PIWIL3: variants seen among roughly 807,000 people sequenced by gnomAD.
PIWIL3 encodes piwi-like protein 3.
In PIWIL3, 101 loss-of-function variants were observed where a neutral mutation model predicts 109.7. That is an observed-to-expected ratio of 0.92 (90% CI 0.78 to 1.09). PIWIL3 has a LOEUF of 1.09. PIWIL3 is among the 50% of genes least tolerant of loss of function. The pLI is 0.00. For synonymous variants in PIWIL3, 373 were observed against 376.4 expected (o/e 0.99, Z 0.10); for missense variants, 1,031 against 1,072.6 (o/e 0.96, Z 0.54).
chr22:24,767,971 A>G (rs537248492), intron 1 of PIWIL3, among the ~76,000 whole-genome samples: 1 of 152,314 alleles, frequency 6.6e-6, no homozygotes, highest in South Asian at 2.1e-4. Context: ...AAACTGAGTC[A>G]GGAAAGAAAA....
At chr22:24,731,898 T>C (rs5751960) in intron 14 of PIWIL3, among the ~76,000 whole-genome samples, 59,449 of 151,910 alleles carry the variant, frequency 0.39, 12,921 homozygotes, top group Non-Finnish European at 0.51. Flanking sequence ...CGGGAACACT[T>C]TCATTTCCTC....
intron 9 of PIWIL3, 46 bp downstream of exon 9, chr22:24,751,341 T>A: frequency 6.6e-7 from 1 of 1,525,788 alleles, no homozygotes; most frequent in Non-Finnish European, 8.9e-7. Context: ...CTGAAATACA[T>A]GAAGGTTTAC....
intron 3 of PIWIL3, 30 bp from the exon 4 acceptor site, chr22:24,758,069 A>T (rs936667437): frequency 1.3e-6 from 2 of 1,589,412 alleles, no homozygotes; most frequent in Non-Finnish European, 1.7e-6. Flanking sequence ...AGAAGTTTAA[A>T]CAATAAAAAG....
intron 3 of PIWIL3, 141 bp downstream of exon 3, chr22:24,759,728 A>G: frequency 8.1e-7 from 1 of 1,232,738 alleles, no homozygotes; most frequent in Non-Finnish European, 1.1e-6. Flanking sequence ...GCACAAAGAG[A>G]GACAGTTGCA....
At chr22:24,733,264 G>A (rs1923463992) in intron 14 of PIWIL3, among the ~76,000 whole-genome samples, 1 of 152,124 alleles carries the variant, frequency 6.6e-6, no homozygotes, top group African/African-American at 2.4e-5. Flanking sequence ...CCTGGGGGAA[G>A]AAAGAAGATG....
chr22:24,750,582 G>A (rs1357432561), intron 9 of PIWIL3, among the ~76,000 whole-genome samples: 1 of 144,144 alleles, frequency 6.9e-6, no homozygotes, highest in South Asian at 2.2e-4. Context: ...CCCGCCACCC[G>A]GGTCCAAGCA....
intron 12 of PIWIL3, among the ~76,000 whole-genome samples, chr22:24,748,681 T>G (rs934482320): frequency 6.6e-6 from 1 of 152,232 alleles, no homozygotes; most frequent in Non-Finnish European, 1.5e-5. Flanking sequence ...CCAAATGCCA[T>G]GAGCAATTGT....
At chr22:24,771,651 A>T (rs1402220582) in intron 1 of PIWIL3, among the ~76,000 whole-genome samples, 1 of 152,062 alleles carries the variant, frequency 6.6e-6, no homozygotes, top group Non-Finnish European at 1.5e-5. Context: ...CATAACCAAC[A>T]TTTCAAAAGT....
intron 1 of PIWIL3, among the ~76,000 whole-genome samples, chr22:24,764,625 C>CGTGTGT (rs140531011): frequency 0.069 from 9,250 of 134,568 alleles, 414 homozygotes; most frequent in African/African-American, 0.1. Context: ...TTGACCTTGC[C>CGTGTGT]GTGTGTGTGT....
Position 24,728,161 on chromosome 22 carries a change from G to A in PIWIL3, c.1905+16C>T. 6.2e-7 allele frequency: 1 copy of A among 1,612,882 alleles called. No individual in the cohort carries two copies. Among genetic ancestry groups the A allele is most frequent in the Non-Finnish European group, 8.5e-7 (1 of 1,178,886 alleles). ...ATTAGAAGTAAGTTAAACGAAGTCA[G>A]TGAAATACAACATACGTCTGTCTCC... On this transcript the variant is annotated intron_variant, in intron 15 of 20. Coordinates refer to ENST00000616349, the MANE Select transcript of PIWIL3 (RefSeq NM_001255975.1).
intron 4 of PIWIL3, among the ~76,000 whole-genome samples, chr22:24,757,675 C>CACACACATATATAAAATATGTATATATT (rs1569109542): frequency 6.9e-6 from 1 of 144,842 alleles, no homozygotes; most frequent in Non-Finnish European, 1.5e-5. Flanking sequence ...CACACACACA[C>CACACACATATATAAAATATGTATATATT]ACACACACAC....
intron 1 of PIWIL3, among the ~76,000 whole-genome samples, chr22:24,768,538 C>A (rs8141740): frequency 0.19 from 29,202 of 152,100 alleles, 2,838 homozygotes; most frequent in Middle Eastern, 0.21. Flanking sequence ...AGGCGTGAGC[C>A]CCCACGCCTG....
At chr22:24,771,826 C>A (rs7289331) in intron 1 of PIWIL3, among the ~76,000 whole-genome samples, 3 of 151,418 alleles carry the variant, frequency 2.0e-5, no homozygotes, top group African/African-American at 4.9e-5. Context: ...CTCCACCTCC[C>A]CGGTTCAAGC....
At chr22:24,763,092 G>C (rs1925540014) in intron 1 of PIWIL3, among the ~76,000 whole-genome samples, 1 of 151,598 alleles carries the variant, frequency 6.6e-6, no homozygotes, top group African/African-American at 2.4e-5. Flanking sequence ...TGCCCCCCGA[G>C]TCAGCAGAGA....
At chr22:24,768,763 T>C (rs1243734082) in intron 1 of PIWIL3, among the ~76,000 whole-genome samples, 2 of 152,252 alleles carry the variant, frequency 1.3e-5, no homozygotes, top group African/African-American at 4.8e-5. Context: ...TTTCATTTTC[T>C]GTTCCTCTTC....
chr22:24,760,274 C>T (rs1056399727), intron 2 of PIWIL3, among the ~76,000 whole-genome samples: 1 of 152,060 alleles, frequency 6.6e-6, no homozygotes, highest in Non-Finnish European at 1.5e-5. Context: ...AAGCGGGCCT[C>T]AGTGAGAAAG....
intron 12 of PIWIL3, among the ~76,000 whole-genome samples, chr22:24,739,794 T>TA (rs1569101887): frequency 6.6e-6 from 1 of 152,118 alleles, no homozygotes; most frequent in Non-Finnish European, 1.5e-5. Context: ...CTCATGCCTG[T>TA]AATCCCAGCA....
intron 17 of PIWIL3, 34 bp from the exon 18 acceptor site, chr22:24,725,071 T>C (rs1466000712): frequency 6.2e-7 from 1 of 1,611,346 alleles, no homozygotes; most frequent in Non-Finnish European, 8.5e-7. Flanking sequence ...AATAAACCGT[T>C]ACTTGGAACA....
chr22:24,728,724 T>C (rs568507017), intron 14 of PIWIL3, among the ~76,000 whole-genome samples: 1 of 152,204 alleles, frequency 6.6e-6, no homozygotes, highest in Non-Finnish European at 1.5e-5. Context: ...AACATTGTTA[T>C]AAATTACAAT....
Sources: allele counts gnomAD v4.1 joint callset (sites outside exome capture counted in the v4.1 genomes callset), GRCh38; gene constraint gnomAD v4.1.1; transcripts MANE v1.5; gene names NCBI Gene and HGNC (gene_info 2026-07-23, HGNC 2026-07-21).